UNC5D: variants seen among roughly 807,000 people sequenced by gnomAD.
The protein encoded by UNC5D is unc-5 netrin receptor D, also known as netrin receptor UNC5D.
Under a neutral mutation model 105.4 loss-of-function variants are expected in UNC5D, and 39 were observed. That is an observed-to-expected ratio of 0.37 (90% CI 0.29 to 0.48). UNC5D has a LOEUF of 0.48. Among genes scored for constraint, UNC5D ranks in the 20% least tolerant of loss-of-function variants. The probability of loss-of-function intolerance (pLI) is 0.98; values close to 1 mark genes in which losing one functional copy is unlikely to be tolerated. For missense variants in UNC5D, 991 were observed against 1,202.4 expected (o/e 0.82, Z 2.60); for synonymous variants, 452 against 450.4 (o/e 1.00, Z -0.04).
At chr8:35,463,703 T>C (rs1300057356) in intron 1 of UNC5D, among the ~76,000 whole-genome samples, 2 of 151,584 alleles carry the variant, frequency 1.3e-5, no homozygotes, top group Admixed American at 1.3e-4. Flanking sequence ...TTCGGATCAC[T>C]TGAACCCAAG....
intron 1 of UNC5D, among the ~76,000 whole-genome samples, chr8:35,424,908 T>G (rs1806142813): frequency 6.6e-6 from 1 of 152,192 alleles, no homozygotes; most frequent in African/African-American, 2.4e-5. Context: ...TGCTGACTTG[T>G]TTTCTCCATT....
rs1807084750 is a variant in UNC5D at position 35,291,769 on chromosome 8, A to G, written c.103+55882A>G. ...TTTCTCTCTTTTGTAGTTGAATTTC[A>G]AGTAACCAGTTATAGATGTAGCTCA... On this transcript the variant is annotated intron_variant, in intron 1 of 16. Coordinates refer to ENST00000404895, the MANE Select transcript of UNC5D (RefSeq NM_080872.4). 2.0e-5 allele frequency among the ~76,000 whole-genome samples: 3 copies of G among 152,160 alleles called. No homozygotes were observed. In the South Asian group the frequency reaches 6.2e-4, roughly 31 times the overall value.
intron 1 of UNC5D, among the ~76,000 whole-genome samples, chr8:35,246,831 C>T (rs1012487580): frequency 4.9e-4 from 74 of 152,070 alleles, no homozygotes; most frequent in African/African-American, 1.7e-3. Context: ...AACACTTTTT[C>T]TAGATTTGTA....
At chr8:35,487,476 A>G (rs773269905) in intron 1 of UNC5D, among the ~76,000 whole-genome samples, 3 of 151,752 alleles carry the variant, frequency 2.0e-5, no homozygotes, top group Admixed American at 6.6e-5. Flanking sequence ...CAGCCTGCCT[A>G]TCTTCCTTGC....
Position 35,795,254 on chromosome 8 carries a change from T to C in UNC5D, c.*4691T>C, listed in dbSNP as rs976630352. On this transcript the variant is annotated 3_prime_UTR_variant, in exon 17 of 17. Coordinates refer to ENST00000404895, the MANE Select transcript of UNC5D (RefSeq NM_080872.4). ...ATTACTAAATTTGGTAAGGTAGTTC[T>C]TTGCATGAATGGGAATGTGTGTCAA... 2.0e-5 allele frequency: 3 copies of C among 152,202 alleles called. No individual in the cohort carries two copies. Among genetic ancestry groups the C allele is most frequent in the Non-Finnish European group, 4.4e-5 (3 of 68,036 alleles). The allele number at this position is 152,202 out of a possible 1,614,324, so 9.4% of individuals were successfully genotyped here.
intron 16 of UNC5D, among the ~76,000 whole-genome samples, chr8:35,786,084 T>C (rs1187213652): frequency 6.6e-6 from 1 of 152,248 alleles, no homozygotes; most frequent in Non-Finnish European, 1.5e-5. Context: ...TGTGGTTTGT[T>C]ACATTTGTAG....
intron 2 of UNC5D, among the ~76,000 whole-genome samples, chr8:35,552,207 G>T (rs192914693): frequency 4.6e-5 from 7 of 152,292 alleles, no homozygotes; most frequent in African/African-American, 1.7e-4. Context: ...GAGAGAGAGA[G>T]AGCTTAGTGA....
intron 10 of UNC5D, chr8:35,726,789 G>A: frequency 1.9e-6 from 1 of 520,876 alleles, no homozygotes; most frequent in Non-Finnish European, 3.3e-6. Context: ...TGCCTGAAAG[G>A]TTTGGGTAGT....
At chr8:35,467,690 A>G (rs1445916768) in intron 1 of UNC5D, among the ~76,000 whole-genome samples, 1 of 152,070 alleles carries the variant, frequency 6.6e-6, no homozygotes, top group Non-Finnish European at 1.5e-5. Flanking sequence ...GTTCTCATCC[A>G]GTATCTATTT....
rs147727202 is a variant in UNC5D, at chr8:35,343,336, G to A, written c.103+107449G>A. On this transcript the variant is annotated intron_variant, in intron 1 of 16. Transcript: ENST00000404895. ...CTTGTTCTTGTTGCTTGAGAAAAAC[G>A]TTAGAGGTCATCATTCTATTTTAAT... Among the ~76,000 whole-genome samples, 417 of 152,114 alleles carry A rather than the reference G, an allele frequency of 2.7e-3. 1 individual carries two copies. Among genetic ancestry groups the A allele is most frequent in the African/African-American group, 9.2e-3 (383 of 41,526 alleles).
At chr8:35,575,661 C>A (rs1818041372) in intron 3 of UNC5D, among the ~76,000 whole-genome samples, 1 of 152,124 alleles carries the variant, frequency 6.6e-6, no homozygotes, top group Non-Finnish European at 1.5e-5. Flanking sequence ...GACCGATGCT[C>A]AACACTTGGT....
chr8:35,358,310 T>G (rs1474564311), intron 1 of UNC5D, among the ~76,000 whole-genome samples: 1 of 152,180 alleles, frequency 6.6e-6, no homozygotes, highest in East Asian at 1.9e-4. Context: ...TGGGATACTA[T>G]GCAGCCCTAA....
At chr8:35,683,219 A>T (rs1479436967) in intron 4 of UNC5D, among the ~76,000 whole-genome samples, 1 of 152,192 alleles carries the variant, frequency 6.6e-6, no homozygotes, top group Non-Finnish European at 1.5e-5. Context: ...TATCATCATC[A>T]TCATGAACGT....
intron 4 of UNC5D, among the ~76,000 whole-genome samples, chr8:35,657,080 GTATATATATATATATATATATATATA>G (rs3077002): frequency 2.6e-4 from 12 of 46,514 alleles, no homozygotes; most frequent in Admixed American, 1.0e-3. Flanking sequence ...GTGTGTGTGT[GTATATATATATATATATATATATATA>G]TATATATATA....
intron 1 of UNC5D, among the ~76,000 whole-genome samples, chr8:35,541,157 G>C (rs957377315): frequency 2.3e-4 from 35 of 152,270 alleles, no homozygotes; most frequent in African/African-American, 8.2e-4. Flanking sequence ...GGTTTAGAGA[G>C]ACTCCAGGCT....
At chr8:35,442,811 T>C (rs1042471900) in intron 1 of UNC5D, among the ~76,000 whole-genome samples, 21 of 151,702 alleles carry the variant, frequency 1.4e-4, no homozygotes, top group African/African-American at 4.8e-4. Context: ...TTCAGACAAG[T>C]AATTACCTTG....
chr8:35,528,505 A>G (rs1364734507), intron 1 of UNC5D, among the ~76,000 whole-genome samples: 2 of 146,508 alleles, frequency 1.4e-5, no homozygotes, highest in Admixed American at 1.4e-4. Flanking sequence ...CGCAATAAAC[A>G]TACGTGTGCA....
At chr8:35,697,743 A>C (rs2131404399) in intron 7 of UNC5D, among the ~76,000 whole-genome samples, 1 of 152,292 alleles carries the variant, frequency 6.6e-6, no homozygotes, top group Middle Eastern at 3.4e-3. Flanking sequence ...GGAAATAGGT[A>C]AACAAGACGG....
At chr8:35,472,879 C>A (rs1230962876) in intron 1 of UNC5D, among the ~76,000 whole-genome samples, 1 of 152,096 alleles carries the variant, frequency 6.6e-6, no homozygotes, top group Non-Finnish European at 1.5e-5. Flanking sequence ...AAATAAAGAT[C>A]CCGGGATGAA....
Sources: allele counts gnomAD v4.1 joint callset (sites outside exome capture counted in the v4.1 genomes callset), GRCh38; gene constraint gnomAD v4.1.1; transcripts MANE v1.5; gene names NCBI Gene and HGNC (gene_info 2026-07-23, HGNC 2026-07-21).